MUCL1: variants seen among roughly 807,000 people sequenced by gnomAD.
The protein encoded by MUCL1 is mucin like 1.
A neutral mutation model predicts 9.2 loss-of-function variants in MUCL1; 11 were observed. The ratio of observed to expected loss-of-function variants is 1.19; its 90% CI spans 0.75 to 1.97. The LOEUF (loss-of-function observed/expected upper bound fraction) is 1.97. Ranked by LOEUF, MUCL1 falls within the 30% of genes most tolerant of loss-of-function variation. The pLI is 0.00. For synonymous variants in MUCL1, 48 were observed against 40.5 expected, an observed-to-expected ratio of 1.19 and a Z score of -0.71; for missense variants, 144 against 110.9, an observed-to-expected ratio of 1.30 and a Z score of -1.34.
chr12:54,852,140 G>T (rs1868254706), upstream of MUCL1, among the ~76,000 whole-genome samples: 1 of 152,082 alleles, frequency 6.6e-6, no homozygotes, highest in Non-Finnish European at 1.5e-5. Flanking sequence ...TTTCTTCACA[G>T]AATTGGAAAA....
In MUCL1 at chr12:54,858,383, C is replaced by T; in HGVS notation, c.*141C>T. The T allele has an allele frequency of 9.1e-7, 1 of 1,097,374 alleles. No homozygotes were observed. The highest frequency in any genetic ancestry group is 1.3e-6 in the Non-Finnish European group (1 of 745,516). The allele number at this position is 1,097,374 out of a possible 1,614,324, so 68.0% of individuals were successfully genotyped here. ...CTTTCAAATAAAAAATAACTATGAGCAACATAAAAATGGTATTTCTTATGG... is the reference window on the plus strand; with the variant it reads ...CTTTCAAATAAAAAATAACTATGAGTAACATAAAAATGGTATTTCTTATGG... On this transcript the variant is annotated 3_prime_UTR_variant, in exon 4 of 4. Transcript: ENST00000308796.
chr12:54,839,272 A>G (rs1244999795), upstream of MUCL1: 2 of 672,474 alleles, frequency 3.0e-6, no homozygotes, highest in African/African-American at 3.5e-5. Flanking sequence ...TTGGTGTGTG[A>G]GCAGGTGGGA....
intron 1 of MUCL1, among the ~76,000 whole-genome samples, chr12:54,832,234 G>A (rs1022710851): frequency 1.3e-5 from 2 of 152,044 alleles, no homozygotes; most frequent in Admixed American, 1.3e-4. Context: ...AAAAATATGA[G>A]CCTTAACATC....
At chr12:54,848,709 A>T (rs1237485182) in intron 1 of MUCL1, among the ~76,000 whole-genome samples, 2 of 152,214 alleles carry the variant, frequency 1.3e-5, no homozygotes, top group Non-Finnish European at 2.9e-5. Context: ...ATGCAAGTTA[A>T]CATAACAAAT....
upstream of MUCL1, among the ~76,000 whole-genome samples, chr12:54,850,729 T>C (rs183161004): frequency 2.7e-4 from 41 of 152,280 alleles, no homozygotes; most frequent in African/African-American, 4.6e-4. Flanking sequence ...CTTGAGGAAT[T>C]GCCACACTGA....
At chr12:54,848,494 C>A (rs1959288589) in intron 1 of MUCL1, among the ~76,000 whole-genome samples, 1 of 151,876 alleles carries the variant, frequency 6.6e-6, no homozygotes, top group Non-Finnish European at 1.5e-5. Context: ...AAGCTCTAAT[C>A]GTATATTGTG....
chr12:54,844,175 G>A (rs1225558484), intron 1 of MUCL1, among the ~76,000 whole-genome samples: 1 of 152,078 alleles, frequency 6.6e-6, no homozygotes, highest in Non-Finnish European at 1.5e-5. Flanking sequence ...GAAGCATTTT[G>A]ATAAGATGAA....
rs1868305320 is a variant in MUCL1 at position 54,856,918 on chromosome 12, CT to C, written c.223+28del. 1.9e-6 allele frequency: 3 copies of C among 1,613,304 alleles called. No individual in the cohort carries two copies. In the East Asian group the frequency reaches 6.7e-5, roughly 36 times the overall value. On this transcript the variant is annotated intron_variant, in intron 3 of 3. Coordinates refer to ENST00000308796, the MANE Select transcript of MUCL1 (RefSeq NM_058173.3). Reference sequence around the variant, plus strand: ...GTAGCAAGACTCCTCCATCTGTGTGCTTCCTTTATGTGGCTCCTTGATTCCT... The same window carrying C: ...GTAGCAAGACTCCTCCATCTGTGTGCTCCTTTATGTGGCTCCTTGATTCCT...
At chr12:54,857,982 T>G (rs1453216006) in intron 3 of MUCL1, among the ~76,000 whole-genome samples, 1 of 152,180 alleles carries the variant, frequency 6.6e-6, no homozygotes, top group Non-Finnish European at 1.5e-5. Context: ...AGTTCCAACC[T>G]ACCTGGGCTT....
chr12:54,850,608 T>C (rs7398561), upstream of MUCL1, among the ~76,000 whole-genome samples: 141,684 of 151,914 alleles, frequency 0.93, 66,110 homozygotes, highest in East Asian at 1. Flanking sequence ...TGAATAGTGC[T>C]GCAATAAACA....
At chr12:54,834,776 T>C (rs1959190186), upstream of MUCL1, among the ~76,000 whole-genome samples, 1 of 152,092 alleles carries the variant, frequency 6.6e-6, no homozygotes, top group Non-Finnish European at 1.5e-5. Context: ...ATTTTGGGGG[T>C]AAAAGTGGTT....
intron 1 of MUCL1, among the ~76,000 whole-genome samples, chr12:54,841,668 T>C (rs1025076656): frequency 1.4e-4 from 22 of 152,228 alleles, no homozygotes; most frequent in Admixed American, 1.1e-3. Flanking sequence ...TCAGATTCTT[T>C]GTCTACTTTG....
chr12:54,835,806 A>G (rs1959192307), upstream of MUCL1, among the ~76,000 whole-genome samples: 1 of 152,050 alleles, frequency 6.6e-6, no homozygotes, highest in Non-Finnish European at 1.5e-5. Flanking sequence ...GATTTGATTG[A>G]ATGCTTTTTC....
chr12:54,834,444 T>C (rs959175731), upstream of MUCL1, among the ~76,000 whole-genome samples: 7 of 152,244 alleles, frequency 4.6e-5, no homozygotes, highest in South Asian at 4.1e-4. Context: ...CAAGCCATAC[T>C]CTTTCACTGG....
upstream of MUCL1, among the ~76,000 whole-genome samples, chr12:54,849,817 TA>T (rs545331041): frequency 1.4e-4 from 21 of 152,308 alleles, no homozygotes; most frequent in East Asian, 4.1e-3. Context: ...CTTAAAGTGA[TA>T]ATATTAAAAA....
chr12:54,849,535 C>T (rs894434801), upstream of MUCL1, among the ~76,000 whole-genome samples: 1 of 151,888 alleles, frequency 6.6e-6, no homozygotes, highest in Non-Finnish European at 1.5e-5. Context: ...TTGAATTTCA[C>T]TCTTAAAATT....
intron 1 of MUCL1, among the ~76,000 whole-genome samples, chr12:54,847,718 G>T (rs10783680): frequency 0.45 from 68,461 of 151,770 alleles, 16,366 homozygotes; most frequent in East Asian, 0.84. Flanking sequence ...AATCAAATGA[G>T]GTAGTGATAA....
At position 54,854,649 on chromosome 12, in the gene MUCL1, A is replaced by G. The variant is rs1868285971; in HGVS notation, c.58+9A>G. On this transcript the variant is annotated intron_variant, in intron 1 of 3. Transcript: ENST00000308796. ...CTTTCTGGTCTCTGCCCGTAAGTAA[A>G]GATTCTTACCTGAACATAAGTTTTG... 6.2e-7 allele frequency: 1 copy of G among 1,610,520 alleles called. No individual in the cohort carries two copies. Among genetic ancestry groups the G allele is most frequent in the Non-Finnish European group, 8.5e-7 (1 of 1,177,062 alleles).
chr12:54,841,733 T>C (rs778909185), intron 1 of MUCL1, among the ~76,000 whole-genome samples: 16 of 152,236 alleles, frequency 1.1e-4, no homozygotes, highest in Non-Finnish European at 2.1e-4. Context: ...TAACCCTTTA[T>C]CAGATATCTG....
Sources: gnomAD v4.1 joint callset for allele counts (sites outside exome capture counted in the v4.1 genomes callset) on GRCh38, gnomAD v4.1.1 for gene constraint, MANE v1.5 for transcripts, NCBI Gene and HGNC (gene_info 2026-07-23, HGNC 2026-07-21) for gene names.